MARK1: variants seen among roughly 807,000 people sequenced by gnomAD.
MARK1 encodes serine/threonine-protein kinase MARK1.
MARK1 carries 40 observed loss-of-function variants against 96.3 expected under a neutral mutation model. The ratio of observed to expected loss-of-function variants is 0.42; its 90% CI spans 0.32 to 0.54. The LOEUF is 0.54. MARK1 is among the 20% of genes least tolerant of loss of function. MARK1 has a pLI of 0.16. For synonymous variants in MARK1, 317 were observed against 341.2 expected (o/e 0.93, Z 0.78); for missense variants, 719 against 984.6 (o/e 0.73, Z 3.61).
At position 220,653,265 on chromosome 1, in the gene MARK1, C is replaced by T. The variant is rs1382547678; in HGVS notation, c.1901C>T (p.Pro634Leu). ...SVAYNGPPAS[P>L]SHETGAFAHA... Reference sequence around the variant, plus strand: ...GCTTATAATGGGCCACCTGCTTCACCATCCCATGAAACGGGTGCATTTGCA... The same window carrying T: ...GCTTATAATGGGCCACCTGCTTCACTATCCCATGAAACGGGTGCATTTGCA... The change falls in exon 16 of 18, where the codon CCA becomes CTA. Residue 634 changes from proline to leucine, a missense_variant. This residue lies in a region of MARK1 where 501 missense variants were observed against 588.3 expected (regional missense o/e 0.85). Transcript: ENST00000366917. 1.2e-6 allele frequency: 2 copies of T among 1,614,216 alleles called. No individual in the cohort carries two copies. The highest frequency in any genetic ancestry group is 1.7e-5 in the Admixed American group (1 of 60,030).
intron 13 of MARK1, among the ~76,000 whole-genome samples, chr1:220,646,319 A>G (rs1249733406): frequency 6.6e-6 from 1 of 152,182 alleles, no homozygotes; most frequent in Admixed American, 6.5e-5. Context: ...ATTGCCACAA[A>G]GAAAATAAAA....
At chr1:220,607,635 T>G (rs753323534) in intron 6 of MARK1, among the ~76,000 whole-genome samples, 1 of 152,024 alleles carries the variant, frequency 6.6e-6, no homozygotes, top group African/African-American at 2.4e-5. Flanking sequence ...TTTTGCCCAT[T>G]GAGTATGGGG....
At chr1:220,609,026 T>C (rs987629546) in intron 6 of MARK1, among the ~76,000 whole-genome samples, 2 of 152,228 alleles carry the variant, frequency 1.3e-5, no homozygotes, top group Admixed American at 6.5e-5. Flanking sequence ...GAAGAATGTA[T>C]ATTCTGTTGA....
At position 220,662,681 on chromosome 1, in the gene MARK1, C is replaced by T. The variant is rs1380772811; in HGVS notation, c.*515C>T. ...ATCTTATTTAAATTTAAACCAGAAGCTGAAAAATAGATCAGCTTTATTATA... is the reference window on the plus strand; with the variant it reads ...ATCTTATTTAAATTTAAACCAGAAGTTGAAAAATAGATCAGCTTTATTATA... On this transcript the variant is annotated 3_prime_UTR_variant, in exon 18 of 18. Coordinates refer to ENST00000366917, the MANE Select transcript of MARK1 (RefSeq NM_018650.5). 1 of 153,374 alleles carries T rather than the reference C, an allele frequency of 6.5e-6. No individual in the cohort carries two copies. The highest frequency in any genetic ancestry group is 1.9e-4 in the East Asian group (1 of 5,212). 9.5% of individuals were successfully genotyped at this position (153,374 alleles called of 1,614,324 possible).
chr1:220,617,571 G>C (rs1666825277), intron 7 of MARK1, among the ~76,000 whole-genome samples: 1 of 152,140 alleles, frequency 6.6e-6, no homozygotes, highest in Non-Finnish European at 1.5e-5. Flanking sequence ...AGTTGCTTCT[G>C]TTTACAAAAG....
At chr1:220,542,267 C>G (rs1415268062) in intron 1 of MARK1, among the ~76,000 whole-genome samples, 1 of 152,076 alleles carries the variant, frequency 6.6e-6, no homozygotes, top group Non-Finnish European at 1.5e-5. Context: ...TAATTTGCAT[C>G]CTTGCAATTT....
At position 220,632,214 on chromosome 1, in the gene MARK1, C is replaced by A; in HGVS notation, c.1023C>A (p.Thr341=). Residue 341 remains threonine, a synonymous_variant, in exon 11 of 18, where the codon ACC becomes ACA. Coordinates refer to ENST00000366917, the MANE Select transcript of MARK1 (RefSeq NM_018650.5). ...TTAAATTTCTAGACATTATGGTCAC[C>A]ATGGGCTTTGCACGAGATGAAATAA... ...NDTKRIDIMV[T]MGFARDEIND... is the part of the protein sequence containing the mutation. 1.4e-6 allele frequency: 2 copies of A among 1,468,006 alleles called. No individual in the cohort carries two copies. The highest frequency in any genetic ancestry group is 1.8e-6 in the Non-Finnish European group (2 of 1,099,882). 90.9% of individuals were successfully genotyped at this position (1,468,006 alleles called of 1,614,324 possible).
intron 13 of MARK1, among the ~76,000 whole-genome samples, chr1:220,638,718 G>A (rs1430650550): frequency 6.6e-6 from 1 of 151,962 alleles, no homozygotes; most frequent in Non-Finnish European, 1.5e-5. Context: ...GATTTTGATA[G>A]AGAAATTCTG....
rs757025177 is a variant in MARK1, at chr1:220,635,886, A to C, written c.1330A>C (p.Ser444Arg). ...ATATACCAAAAGACCTCAGGCTAAC[A>C]GTGTGGAAAGTGAACAGAAAGAGGA... The part of the protein sequence containing the change: ...VSYTKRPQAN[S>R]VESEQKEEWD... Residue 444 changes from serine to arginine, a missense_variant, in exon 13 of 18, where the codon AGT becomes CGT. By Grantham distance (110) the Ser-to-Arg change is moderately radical (BLOSUM62 -1). Around this residue, in one of 4 missense-constraint regions of MARK1, gnomAD observed 501 missense variants for 588.3 expected, o/e 0.85. Coordinates refer to ENST00000366917, the MANE Select transcript of MARK1 (RefSeq NM_018650.5). 2.5e-6 allele frequency: 4 copies of C among 1,613,760 alleles called. No homozygotes were observed. The highest frequency in any genetic ancestry group is 3.4e-6 in the Non-Finnish European group (4 of 1,179,932).
intron 1 of MARK1, among the ~76,000 whole-genome samples, chr1:220,555,190 T>C (rs1451323453): frequency 6.6e-6 from 1 of 152,136 alleles, no homozygotes; most frequent in Non-Finnish European, 1.5e-5. Flanking sequence ...TGGATCACAG[T>C]GGAATTTGGG....
chr1:220,600,887 T>G (rs56243607), intron 5 of MARK1, among the ~76,000 whole-genome samples: 1,700 of 97,330 alleles, frequency 0.017, 25 homozygotes, highest in African/African-American at 0.047. Context: ...ATTTCTTTTC[T>G]TTTTCTTTTT....
chr1:220,575,973 T>C (rs1663800687), intron 1 of MARK1, among the ~76,000 whole-genome samples: 1 of 14,624 alleles, frequency 6.8e-5, no homozygotes, highest in South Asian at 1.7e-3. Flanking sequence ...CCTTAGGGAA[T>C]TGACCGTATA....
chr1:220,547,721 C>T (rs756412031), intron 1 of MARK1, among the ~76,000 whole-genome samples: 4 of 152,164 alleles, frequency 2.6e-5, no homozygotes, highest in African/African-American at 4.8e-5. Context: ...CCCGCCACCA[C>T]ACCCGGCTAC....
chr1:220,599,723 G>T, intron 4 of MARK1, 75 bp from the exon 5 acceptor site: 1 of 744,934 alleles, frequency 1.3e-6, no homozygotes. Flanking sequence ...CTAGTTTAGT[G>T]TTACCTTAGA....
chr1:220,595,401 G>A (rs1250616700), intron 3 of MARK1, among the ~76,000 whole-genome samples: 1 of 152,156 alleles, frequency 6.6e-6, no homozygotes, highest in Admixed American at 6.5e-5. Flanking sequence ...CTGTTTGGGA[G>A]GTGAAGAGTT....
rs961862068 is a variant in MARK1 at position 220,558,165 on chromosome 1, A to G, written c.52-21189A>G. On this transcript the variant is annotated intron_variant, in intron 1 of 17. Transcript: ENST00000366917. ...AATAATAATAATAATAATAATAATA[A>G]TAATAATAATAATATGGGAAATGGC... Among the ~76,000 whole-genome samples, 335 of 147,952 alleles carry G rather than the reference A, an allele frequency of 2.3e-3. 1 individual carries two copies. The highest frequency in any genetic ancestry group is 7.9e-3 in the African/African-American group (321 of 40,794).
chr1:220,595,077 G>T (rs544152107), intron 3 of MARK1, among the ~76,000 whole-genome samples: 2 of 152,134 alleles, frequency 1.3e-5, no homozygotes, highest in Non-Finnish European at 2.9e-5. Context: ...TGTTGATGGT[G>T]GGGGAGGCTC....
At chr1:220,586,070 C>G (rs1269001764) in intron 3 of MARK1, among the ~76,000 whole-genome samples, 1 of 151,840 alleles carries the variant, frequency 6.6e-6, no homozygotes, top group Non-Finnish European at 1.5e-5. Context: ...TAAAAGTTGT[C>G]AAGGATGCAA....
At chr1:220,547,009 A>G (rs1257766384) in intron 1 of MARK1, among the ~76,000 whole-genome samples, 5 of 151,886 alleles carry the variant, frequency 3.3e-5, no homozygotes, top group Admixed American at 6.6e-5. Context: ...AGAAAAGAAA[A>G]GCAACTATAG....
Sources: allele counts gnomAD v4.1 joint callset (sites outside exome capture counted in the v4.1 genomes callset), GRCh38; gene constraint gnomAD v4.1.1; regional missense constraint gnomAD v4.1.1; transcripts MANE v1.5; gene names NCBI Gene and HGNC (gene_info 2026-07-23, HGNC 2026-07-21).